KANSL1: variants seen among roughly 807,000 people sequenced by gnomAD.
The protein encoded by KANSL1 is KAT8 regulatory NSL complex subunit 1.
In KANSL1, 22 loss-of-function variants were observed where a neutral mutation model predicts 103.6. That is an observed-to-expected ratio of 0.21 (90% CI 0.15 to 0.30). KANSL1 has a LOEUF of 0.30. KANSL1 is among the 10% of genes least tolerant of loss of function. The pLI is 1.00. For missense variants in KANSL1, 1,337 were observed against 1,399.8 expected (o/e 0.96, Z 0.72); for synonymous variants, 600 against 527.6 (o/e 1.14, Z -1.88).
intron 13 of KANSL1, 151 bp from the exon 14 acceptor site, chr17:46,032,450 T>G (rs2146309797): frequency 1.6e-6 from 1 of 609,688 alleles, no homozygotes; most frequent in Non-Finnish European, 2.7e-6. Flanking sequence ...TTCTTCCCAC[T>G]ATTCTCTGGA....
intron 3 of KANSL1, among the ~76,000 whole-genome samples, chr17:46,086,939 T>C (rs995060910): frequency 6.6e-6 from 1 of 152,132 alleles, no homozygotes; most frequent in Non-Finnish European, 1.5e-5. Context: ...GCTAGTTTTT[T>C]GTATTTTTAG....
intron 2 of KANSL1, among the ~76,000 whole-genome samples, chr17:46,135,294 G>A (rs1034960285): frequency 6.6e-6 from 1 of 151,640 alleles, no homozygotes; most frequent in Non-Finnish European, 1.5e-5. Context: ...GCTCTGAGTA[G>A]ATGCCTGTTA....
chr17:46,213,293 T>C (rs1334981112), intron 1 of KANSL1, among the ~76,000 whole-genome samples: 1 of 150,668 alleles, frequency 6.6e-6, no homozygotes, highest in Admixed American at 6.6e-5. Flanking sequence ...TGTTTTTTGT[T>C]GTTGTTGTTG....
intron 1 of KANSL1, among the ~76,000 whole-genome samples, chr17:46,220,318 G>A (rs142277209): frequency 0.047 from 7,108 of 150,420 alleles, 102 homozygotes; most frequent in African/African-American, 0.17. Flanking sequence ...CCGGGTTCAC[G>A]CCATTCTCCT....
chr17:46,144,097 A>G (rs971286052), intron 2 of KANSL1, among the ~76,000 whole-genome samples: 6 of 151,760 alleles, frequency 4.0e-5, no homozygotes, highest in Non-Finnish European at 5.9e-5. Context: ...CATGGGGGGG[A>G]AAACGAAAAA....
chr17:46,176,299 A>G (rs2046515469), intron 1 of KANSL1, among the ~76,000 whole-genome samples: 1 of 152,262 alleles, frequency 6.6e-6, no homozygotes. Flanking sequence ...TTAACATCAC[A>G]TCACAGAAGG....
intron 1 of KANSL1, among the ~76,000 whole-genome samples, chr17:46,208,335 G>C (rs1484459862): frequency 6.6e-6 from 1 of 152,126 alleles, no homozygotes; most frequent in Non-Finnish European, 1.5e-5. Context: ...CAAGGGGCTG[G>C]GCACAGTGGC....
intron 4 of KANSL1, among the ~76,000 whole-genome samples, chr17:46,068,922 TG>T (rs2146680632): frequency 6.6e-6 from 1 of 152,286 alleles, no homozygotes; most frequent in South Asian, 2.1e-4. Context: ...TATGGGTCTT[TG>T]ACTCCTTACT....
At chr17:46,054,300 C>T (rs1005571528) in intron 6 of KANSL1, among the ~76,000 whole-genome samples, 2 of 152,160 alleles carry the variant, frequency 1.3e-5, no homozygotes, top group Non-Finnish European at 2.9e-5. Context: ...ATGATCCACC[C>T]GTATCAGCTT....
chr17:46,185,692 T>TATACACACACACACAC (rs754864409), intron 1 of KANSL1, among the ~76,000 whole-genome samples: 1 of 144,310 alleles, frequency 6.9e-6, no homozygotes, highest in African/African-American at 2.7e-5. Context: ...CACACATATA[T>TATACACACACACACAC]ACACACACAC....
chr17:46,139,296 C>CCCCA, intron 2 of KANSL1, among the ~76,000 whole-genome samples: 1 of 139,518 alleles, frequency 7.2e-6, no homozygotes, highest in African/African-American at 2.7e-5. Flanking sequence ...TTTCATAGGC[C>CCCCA]AAAAAAAAAA....
At chr17:46,057,115 A>G (rs2077960539) in intron 6 of KANSL1, among the ~76,000 whole-genome samples, 1 of 152,216 alleles carries the variant, frequency 6.6e-6, no homozygotes, top group Admixed American at 6.5e-5. Flanking sequence ...AAACAAAAAA[A>G]ATAAAAATTA....
At chr17:46,076,139 T>C (rs751516053) in intron 4 of KANSL1, among the ~76,000 whole-genome samples, 11 of 152,240 alleles carry the variant, frequency 7.2e-5, no homozygotes, top group Non-Finnish European at 8.8e-5. Flanking sequence ...GTAAGAAGGC[T>C]AGAAATCAGG....
intron 7 of KANSL1, among the ~76,000 whole-genome samples, chr17:46,048,747 C>T (rs907556170): frequency 6.6e-6 from 1 of 152,086 alleles, no homozygotes; most frequent in African/African-American, 2.4e-5. Context: ...CATGCACCCC[C>T]ATTTGATATG....
intron 10 of KANSL1, chr17:46,037,476 C>T (rs745961775): frequency 6.6e-6 from 1 of 152,266 alleles, no homozygotes; most frequent in Non-Finnish European, 1.5e-5. Context: ...CTGATCTAGG[C>T]TCTGAAGGAA....
chr17:46,095,823 T>C (rs972556216), intron 2 of KANSL1, among the ~76,000 whole-genome samples: 3 of 152,036 alleles, frequency 2.0e-5, no homozygotes, highest in African/African-American at 7.2e-5. Context: ...CTCTCAGAAA[T>C]AGGATAAAAG....
At chr17:46,054,008 G>T (rs149865946) in intron 6 of KANSL1, among the ~76,000 whole-genome samples, 1 of 152,294 alleles carries the variant, frequency 6.6e-6, no homozygotes, top group East Asian at 1.9e-4. Context: ...TGCATGTGTA[G>T]CCCTAGCTAT....
intron 4 of KANSL1, among the ~76,000 whole-genome samples, chr17:46,072,786 A>T (rs974295): frequency 0.14 from 21,777 of 152,188 alleles, 2,114 homozygotes; most frequent in Non-Finnish European, 0.22. Context: ...AAAATCTATA[A>T]AATTACATTA....
At chr17:46,039,333 A>G in intron 8 of KANSL1, 118 bp from the exon 9 acceptor site, 1 of 945,596 alleles carries the variant, frequency 1.1e-6, no homozygotes, top group Non-Finnish European at 1.5e-6. Flanking sequence ...GCAGCAGGAC[A>G]GTCCTTCAGG....
Sources: allele counts gnomAD v4.1 joint callset (sites outside exome capture counted in the v4.1 genomes callset), GRCh38; gene constraint gnomAD v4.1.1; transcripts MANE v1.5; gene names NCBI Gene and HGNC (gene_info 2026-07-23, HGNC 2026-07-21).